The following GOPC variants were observed in gnomAD, a reference collection of about 807,000 sequenced individuals.
GOPC encodes golgi associated PDZ and coiled-coil motif containing.
Under a neutral mutation model 51.2 loss-of-function variants are expected in GOPC, and 32 were observed. The observed-to-expected ratio is 0.63, with a 90% CI of 0.47 to 0.84. GOPC has a LOEUF of 0.84. GOPC is among the 40% of genes least tolerant of loss of function. The probability of loss-of-function intolerance (pLI) is 0.00; values close to 1 mark genes in which losing one functional copy is unlikely to be tolerated. For synonymous variants in GOPC, 190 were observed against 205.1 expected, an observed-to-expected ratio of 0.93 and a Z score of 0.63; for missense variants, 441 against 555.5, an observed-to-expected ratio of 0.79 and a Z score of 2.07.
intron 1 of GOPC, among the ~76,000 whole-genome samples, chr6:117,589,891 C>G (rs550052498): frequency 6.6e-6 from 1 of 152,258 alleles, no homozygotes; most frequent in Non-Finnish European, 1.5e-5. Flanking sequence ...ACTCAATATT[C>G]TTATTTCATG....
At chr6:117,582,828 C>T (rs753417220) in intron 1 of GOPC, among the ~76,000 whole-genome samples, 8 of 151,356 alleles carry the variant, frequency 5.3e-5, no homozygotes, top group Non-Finnish European at 1.0e-4. Context: ...CCTCATTCTT[C>T]GTGGGCACCA....
At chr6:117,596,006 T>C (rs1780192011) in intron 1 of GOPC, among the ~76,000 whole-genome samples, 1 of 152,210 alleles carries the variant, frequency 6.6e-6, no homozygotes, top group Non-Finnish European at 1.5e-5. Flanking sequence ...GTGGTTTACA[T>C]TCCCACCAAC....
intron 3 of GOPC, among the ~76,000 whole-genome samples, chr6:117,576,000 T>G (rs1779876645): frequency 6.6e-6 from 1 of 152,158 alleles, no homozygotes. Context: ...TTCTGGATAT[T>G]GAGAAGCTAA....
chr6:117,597,420 A>G lies in GOPC; in HGVS notation c.285+4584T>C, dbSNP rs1049356489. ...TGCTCTGGCTAGGACTTCTAGTACT[A>G]CATTGAATAGAAGTGGTGAAGGGGG... is the stretch of plus-strand genomic sequence containing the variant. On this transcript the variant is annotated intron_variant, in intron 1 of 8. Transcript: ENST00000368498. Among the ~76,000 whole-genome samples, 3 of 152,216 alleles carry G rather than the reference A, an allele frequency of 2.0e-5. No individual in the cohort carries two copies. In the East Asian group the frequency reaches 5.8e-4, roughly 29 times the overall value.
chr6:117,578,770 T>C, intron 2 of GOPC, 130 bp downstream of exon 2: 2 of 498,620 alleles, frequency 4.0e-6, no homozygotes, highest in Non-Finnish European at 6.5e-6. Flanking sequence ...TCATAAACTT[T>C]ATATTTCTTA....
chr6:117,573,310 G>C (rs1182307736), intron 5 of GOPC, among the ~76,000 whole-genome samples, 157 bp downstream of exon 5: 1 of 152,204 alleles, frequency 6.6e-6, no homozygotes, highest in Non-Finnish European at 1.5e-5. Context: ...ATTTCTATGG[G>C]TGTTGAAACT....
intron 4 of GOPC, among the ~76,000 whole-genome samples, 195 bp downstream of exon 4, chr6:117,574,982 G>C (rs1779859246): frequency 6.6e-6 from 1 of 152,130 alleles, no homozygotes; most frequent in Non-Finnish European, 1.5e-5. Context: ...AGGAGGCTGA[G>C]GTAGGAGAAT....
At chr6:117,596,949 T>C (rs1780206237) in intron 1 of GOPC, among the ~76,000 whole-genome samples, 2 of 152,308 alleles carry the variant, frequency 1.3e-5, no homozygotes, top group East Asian at 3.9e-4. Context: ...TGATGGGAAT[T>C]GCATTGCATT....
chr6:117,587,742 AG>A (rs752900649), intron 1 of GOPC, among the ~76,000 whole-genome samples: 6 of 152,182 alleles, frequency 3.9e-5, no homozygotes, highest in Non-Finnish European at 8.8e-5. Context: ...GACATACTGA[AG>A]GTACAAAAGT....
chr6:117,592,577 A>G (rs1780134299), intron 1 of GOPC, among the ~76,000 whole-genome samples: 1 of 151,932 alleles, frequency 6.6e-6, no homozygotes, highest in Non-Finnish European at 1.5e-5. Flanking sequence ...TTCTATCATC[A>G]CATAGCCTTC....
intron 1 of GOPC, among the ~76,000 whole-genome samples, chr6:117,600,187 A>G (rs924012639): frequency 6.6e-6 from 1 of 152,184 alleles, no homozygotes; most frequent in African/African-American, 2.4e-5. Flanking sequence ...CAGAGTATGG[A>G]GGCAGCATAG....
At chr6:117,574,764 G>A (rs1280723068) in intron 4 of GOPC, among the ~76,000 whole-genome samples, 8 of 152,186 alleles carry the variant, frequency 5.3e-5, no homozygotes, top group Non-Finnish European at 1.0e-4. Flanking sequence ...TGAGGAAAAA[G>A]ATTAATGCTT....
intron 3 of GOPC, among the ~76,000 whole-genome samples, chr6:117,575,700 A>G (rs1188500265): frequency 6.6e-6 from 1 of 152,220 alleles, no homozygotes; most frequent in Non-Finnish European, 1.5e-5. Flanking sequence ...ACCCCAATAG[A>G]CATTTTAACT....
At chr6:117,579,095 G>T in intron 1 of GOPC, 31 bp from the exon 2 acceptor site, 2 of 1,529,820 alleles carry the variant, frequency 1.3e-6, no homozygotes, top group South Asian at 1.2e-5. Flanking sequence ...AGAAATTAAG[G>T]ATGCTTAATT....
At chr6:117,582,389 G>C (rs1266593440) in intron 1 of GOPC, among the ~76,000 whole-genome samples, 1 of 151,270 alleles carries the variant, frequency 6.6e-6, no homozygotes, top group Non-Finnish European at 1.5e-5. Context: ...AAGCCTAAAA[G>C]CTGAAGCCCA....
chr6:117,582,315 T>G, intron 1 of GOPC, among the ~76,000 whole-genome samples: 1 of 129,266 alleles, frequency 7.7e-6, no homozygotes, highest in Non-Finnish European at 1.6e-5. Flanking sequence ...CACACATTGA[T>G]AGAGGCAGGA....
intron 1 of GOPC, 38 bp downstream of exon 1, chr6:117,601,966 G>T: frequency 1.2e-6 from 2 of 1,603,706 alleles, no homozygotes; most frequent in East Asian, 2.2e-5. Flanking sequence ...CGGGCAGCCT[G>T]GGGTTGGATG....
chr6:117,574,111 G>C (rs1167849825), intron 4 of GOPC, among the ~76,000 whole-genome samples: 1 of 152,026 alleles, frequency 6.6e-6, no homozygotes, highest in Non-Finnish European at 1.5e-5. Context: ...CAATTAACCA[G>C]GCATGGTGGC....
In GOPC at chr6:117,602,422, C is replaced by G. The variant is rs1157994380; in HGVS notation, c.-134G>C. 1 of 831,728 alleles carries G rather than the reference C, an allele frequency of 1.2e-6. No individual in the cohort carries two copies. The highest frequency in any genetic ancestry group is 1.8e-6 in the Non-Finnish European group (1 of 548,854). The allele number at this position is 831,728 out of a possible 1,614,324, so 51.5% of individuals were successfully genotyped here. On this transcript the variant is annotated 5_prime_UTR_variant, in exon 1 of 9. Transcript: ENST00000368498. ...ACCTCCCTTCACCTCGCGCCGTTAA[C>G]GCCAGCAGCACAGTCACAGAACCGC...
Sources: gnomAD v4.1 joint callset for allele counts (sites outside exome capture counted in the v4.1 genomes callset) on GRCh38, gnomAD v4.1.1 for gene constraint, MANE v1.5 for transcripts, NCBI Gene and HGNC (gene_info 2026-07-23, HGNC 2026-07-21) for gene names.